Variants in MACROD2 observed in about 807,000 individuals in gnomAD.
The protein encoded by MACROD2 is ADP-ribose glycohydrolase MACROD2.
In MACROD2, 36 loss-of-function variants were observed where a neutral mutation model predicts 70.4. The observed-to-expected ratio is 0.51, with a 90% CI of 0.39 to 0.68. The LOEUF is 0.68. MACROD2 is among the 30% of genes least tolerant of loss of function. The probability of loss-of-function intolerance (pLI) is 0.00; values close to 1 mark genes in which losing one functional copy is unlikely to be tolerated. For synonymous variants in MACROD2, 172 were observed against 178.8 expected (o/e 0.96, Z 0.30); for missense variants, 496 against 538.4 (o/e 0.92, Z 0.78).
intron 6 of MACROD2, among the ~76,000 whole-genome samples, chr20:15,378,219 G>A (rs75767557): frequency 0.052 from 7,401 of 142,948 alleles, 291 homozygotes; most frequent in Admixed American, 0.087. Flanking sequence ...AGGGGGATTC[G>A]TTTTCAACCT....
chr20:15,857,511 C>T (rs2064370663), intron 8 of MACROD2, among the ~76,000 whole-genome samples: 1 of 152,188 alleles, frequency 6.6e-6, no homozygotes, highest in Non-Finnish European at 1.5e-5. Flanking sequence ...GCAGAAGAAC[C>T]ATCAAGAACT....
intron 4 of MACROD2, among the ~76,000 whole-genome samples, chr20:14,584,412 G>T (rs1047244441): frequency 6.6e-6 from 1 of 152,094 alleles, no homozygotes; most frequent in East Asian, 1.9e-4. Flanking sequence ...AATTTGTCAC[G>T]ATTCTGGAGG....
intron 6 of MACROD2, among the ~76,000 whole-genome samples, chr20:15,400,013 A>T (rs957164815): frequency 6.6e-5 from 10 of 152,192 alleles, no homozygotes; most frequent in Non-Finnish European, 1.5e-4. Flanking sequence ...ATGACCAGGA[A>T]CCACGCTGGC....
chr20:15,240,833 T>G (rs1474587907), intron 6 of MACROD2, among the ~76,000 whole-genome samples: 1 of 152,178 alleles, frequency 6.6e-6, no homozygotes, highest in African/African-American at 2.4e-5. Flanking sequence ...TTCCCCTGAC[T>G]CTTGGCTTCT....
chr20:15,020,056 G>A (rs767154255), intron 5 of MACROD2, among the ~76,000 whole-genome samples: 54 of 152,048 alleles, frequency 3.6e-4, no homozygotes, highest in African/African-American at 3.1e-4. Flanking sequence ...TCATAAATAC[G>A]TATTGATAAA....
At chr20:15,651,716 C>A (rs550597554) in intron 8 of MACROD2, among the ~76,000 whole-genome samples, 7 of 152,126 alleles carry the variant, frequency 4.6e-5, no homozygotes, top group Non-Finnish European at 8.8e-5. Flanking sequence ...CTTCCAGGCA[C>A]CTCCACTCGA....
At chr20:15,441,906 A>G (rs1164773770) in intron 7 of MACROD2, among the ~76,000 whole-genome samples, 1 of 152,218 alleles carries the variant, frequency 6.6e-6, no homozygotes, top group Non-Finnish European at 1.5e-5. Context: ...GAGCCAATCC[A>G]TTGAGCAGTA....
intron 8 of MACROD2, among the ~76,000 whole-genome samples, chr20:15,716,579 A>G (rs182792188): frequency 1.2e-3 from 177 of 152,294 alleles, no homozygotes; most frequent in African/African-American, 3.4e-3. Context: ...CAAGCTTTAT[A>G]CTTTACCCCC....
At chr20:15,684,032 A>C (rs1269846488) in intron 8 of MACROD2, among the ~76,000 whole-genome samples, 1 of 152,204 alleles carries the variant, frequency 6.6e-6, no homozygotes, top group Admixed American at 6.5e-5. Flanking sequence ...AGGAAATATT[A>C]ATTTGATGAC....
intron 7 of MACROD2, among the ~76,000 whole-genome samples, chr20:15,461,006 A>ATATATATATATATATATATATATATTTT: frequency 1.6e-4 from 11 of 67,002 alleles, no homozygotes; most frequent in Non-Finnish European, 3.6e-4. Context: ...ATATATATAT[A>ATATATATATATATATATATATATATTTT]TTTTTTTTTA....
At chr20:15,116,219 T>C (rs2075990825) in intron 5 of MACROD2, among the ~76,000 whole-genome samples, 1 of 152,204 alleles carries the variant, frequency 6.6e-6, no homozygotes, top group African/African-American at 2.4e-5. Flanking sequence ...TGTCCACTTA[T>C]ATGTGGACTT....
At chr20:14,188,081 T>C (rs1241289326) in intron 3 of MACROD2, among the ~76,000 whole-genome samples, 1 of 152,136 alleles carries the variant, frequency 6.6e-6, no homozygotes, top group East Asian at 1.9e-4. Flanking sequence ...TATGAAAAAC[T>C]TTGTCAATCT....
At chr20:15,478,635 C>A (rs1008882942) in intron 7 of MACROD2, among the ~76,000 whole-genome samples, 7 of 152,050 alleles carry the variant, frequency 4.6e-5, no homozygotes, top group Non-Finnish European at 1.0e-4. Context: ...TTGACCAGAG[C>A]CCCAAGCACA....
chr20:15,100,465 A>C (rs936050180), intron 5 of MACROD2, among the ~76,000 whole-genome samples: 2 of 152,194 alleles, frequency 1.3e-5, no homozygotes, highest in Non-Finnish European at 2.9e-5. Flanking sequence ...ATTATACAAG[A>C]AACTGGACTC....
intron 8 of MACROD2, among the ~76,000 whole-genome samples, chr20:15,614,740 TC>T (rs1179275917): frequency 6.6e-6 from 1 of 152,158 alleles, no homozygotes; most frequent in Admixed American, 6.5e-5. Context: ...GATTGATATA[TC>T]TTAAAGAACC....
chr20:14,718,494 C>T (rs965743332), intron 5 of MACROD2, among the ~76,000 whole-genome samples: 1 of 151,932 alleles, frequency 6.6e-6, no homozygotes, highest in Non-Finnish European at 1.5e-5. Flanking sequence ...GAACCCCCAA[C>T]ACTCATATAC....
At chr20:16,000,673 C>A (rs1249599756) in intron 15 of MACROD2, among the ~76,000 whole-genome samples, 2 of 152,200 alleles carry the variant, frequency 1.3e-5, no homozygotes, top group South Asian at 4.1e-4. Flanking sequence ...GCGAACTGAT[C>A]TTTGCCTTCT....
At chr20:14,038,374 CTTAT>C (rs2053346639) in intron 2 of MACROD2, among the ~76,000 whole-genome samples, 1 of 151,968 alleles carries the variant, frequency 6.6e-6, no homozygotes, top group African/African-American at 2.4e-5. Context: ...CAAATATTGA[CTTAT>C]TTAATGACTA....
chr20:15,595,857 GA>G (rs1376854593), intron 8 of MACROD2, among the ~76,000 whole-genome samples: 1 of 152,144 alleles, frequency 6.6e-6, no homozygotes, highest in Non-Finnish European at 1.5e-5. Flanking sequence ...AAGTCACTCA[GA>G]ATGAAAAACT....
Sources: gnomAD v4.1 joint callset for allele counts (sites outside exome capture counted in the v4.1 genomes callset) on GRCh38, gnomAD v4.1.1 for gene constraint, MANE v1.5 for transcripts, NCBI Gene and HGNC (gene_info 2026-07-23, HGNC 2026-07-21) for gene names.